Variants in P4HA1 observed in about 807,000 individuals in gnomAD.
P4HA1 encodes the protein prolyl 4-hydroxylase subunit alpha-1.
In P4HA1, 24 loss-of-function variants were observed where a neutral mutation model predicts 72.8. The ratio of observed to expected loss-of-function variants is 0.33; its 90% CI spans 0.24 to 0.46. The LOEUF (loss-of-function observed/expected upper bound fraction) is 0.46, where lower values mean the gene tolerates loss of function less well. P4HA1 is among the 20% of genes least tolerant of loss of function. P4HA1 has a pLI of 1.00. For missense variants in P4HA1, 446 were observed against 640.6 expected (o/e 0.70, Z 3.28); for synonymous variants, 201 against 218.8 (o/e 0.92, Z 0.72).
At chr10:73,093,716 G>A (rs947749833) in intron 1 of P4HA1, among the ~76,000 whole-genome samples, 10 of 149,652 alleles carry the variant, frequency 6.7e-5, no homozygotes, top group African/African-American at 2.5e-4. Flanking sequence ...GATGGTGGGC[G>A]GCTGTAGTCC....
intron 1 of P4HA1, among the ~76,000 whole-genome samples, chr10:73,084,614 C>G (rs1372623546): frequency 6.6e-6 from 1 of 151,958 alleles, no homozygotes; most frequent in Non-Finnish European, 1.5e-5. Context: ...GTGCCCAGAC[C>G]AAGATTGAAT....
intron 1 of P4HA1, among the ~76,000 whole-genome samples, chr10:73,080,869 A>C (rs939193543): frequency 2.6e-5 from 4 of 152,202 alleles, no homozygotes; most frequent in Admixed American, 1.3e-4. Flanking sequence ...TGGAGGTTGC[A>C]GTGAGCTGAG....
intron 10 of P4HA1, among the ~76,000 whole-genome samples, chr10:73,026,144 C>T (rs1840261220): frequency 6.6e-6 from 1 of 152,150 alleles, no homozygotes; most frequent in African/African-American, 2.4e-5. Context: ...GCCCACATAG[C>T]CAAGACAATC....
At chr10:73,029,822 T>C (rs374743829) in intron 10 of P4HA1, among the ~76,000 whole-genome samples, 15 of 152,092 alleles carry the variant, frequency 9.9e-5, no homozygotes, top group East Asian at 7.7e-4. Flanking sequence ...AAATGATTTA[T>C]AGACATAAAA....
chr10:73,092,409 G>C (rs1228522996), intron 1 of P4HA1, among the ~76,000 whole-genome samples: 1 of 140,986 alleles, frequency 7.1e-6, no homozygotes, highest in Non-Finnish European at 1.5e-5. Flanking sequence ...GAGTGCAATG[G>C]TGCTATCATA....
intron 5 of P4HA1, among the ~76,000 whole-genome samples, chr10:73,062,352 T>G (rs1285146426): frequency 6.6e-6 from 1 of 152,038 alleles, no homozygotes; most frequent in African/African-American, 2.4e-5. Flanking sequence ...GAAAATCACA[T>G]AGTTCCCTTT....
Position 73,090,565 on chromosome 10 carries a change from C to T in P4HA1, c.-33+6201G>A, listed in dbSNP as rs189112205. Among the ~76,000 whole-genome samples the T allele has an allele frequency of 2.6e-3, 391 of 152,204 alleles. 1 individual carries two copies. The highest frequency in any genetic ancestry group is 4.5e-3 in the Non-Finnish European group (308 of 68,016). On this transcript the variant is annotated intron_variant, in intron 1 of 14. Transcript: ENST00000394890. Reference sequence around the variant, plus strand: ...TATGCAATTTGTCCTGTCAATTTTGCTCAATAAAGTCGTTAAAATATATCA... The same window carrying T: ...TATGCAATTTGTCCTGTCAATTTTGTTCAATAAAGTCGTTAAAATATATCA...
chr10:73,046,917 T>C lies in P4HA1; in HGVS notation c.1077+8A>G. 6.3e-7 allele frequency: 1 copy of C among 1,580,222 alleles called. No individual in the cohort carries two copies. The highest frequency in any genetic ancestry group is 8.6e-7 in the Non-Finnish European group (1 of 1,156,574). ...AAATTGAGGAGAAAGAAAGAAAACA[T>C]TATTTACCCTTGGTTTTGCTAGGTC... On this transcript the variant is annotated splice_region_variant and intron_variant, in intron 8 of 14. Transcript: ENST00000394890.
At chr10:73,037,324 A>C (rs1376723373) in intron 9 of P4HA1, among the ~76,000 whole-genome samples, 2 of 150,158 alleles carry the variant, frequency 1.3e-5, no homozygotes, top group Non-Finnish European at 3.0e-5. Flanking sequence ...AAAAAAAAAA[A>C]AACTTCATGA....
At chr10:73,059,479 C>A (rs1841255170) in intron 5 of P4HA1, among the ~76,000 whole-genome samples, 1 of 133,032 alleles carries the variant, frequency 7.5e-6, no homozygotes, top group Admixed American at 7.9e-5. Flanking sequence ...CGCAGTGGCT[C>A]ACGCCTGTAA....
At chr10:73,080,350 G>A (rs972326182) in intron 1 of P4HA1, among the ~76,000 whole-genome samples, 3 of 152,178 alleles carry the variant, frequency 2.0e-5, no homozygotes, top group Admixed American at 6.5e-5. Context: ...CTGAAAAGTC[G>A]AGATAATTTG....
At chr10:73,032,468 A>G (rs1347768322) in intron 9 of P4HA1, among the ~76,000 whole-genome samples, 1 of 152,138 alleles carries the variant, frequency 6.6e-6, no homozygotes, top group East Asian at 1.9e-4. Flanking sequence ...ACTCTCTCAA[A>G]CACTCATTCT....
At chr10:73,073,094 T>C (rs1841604771) in intron 3 of P4HA1, among the ~76,000 whole-genome samples, 1 of 140,778 alleles carries the variant, frequency 7.1e-6, no homozygotes, top group African/African-American at 2.7e-5. Context: ...CACTTGAACC[T>C]GGAAGGTGGA....
At chr10:73,044,305 G>T (rs1289995063) in intron 9 of P4HA1, among the ~76,000 whole-genome samples, 2 of 151,906 alleles carry the variant, frequency 1.3e-5, no homozygotes, top group Non-Finnish European at 2.9e-5. Flanking sequence ...AAAAATAGTA[G>T]ACTCCTTAAA....
In P4HA1 at chr10:73,072,325, C is replaced by T. The variant is rs575635315; in HGVS notation, c.174-145G>A. On this transcript the variant is annotated intron_variant, in intron 3 of 14. Coordinates refer to ENST00000394890, the MANE Select transcript of P4HA1 (RefSeq NM_001017962.3). The stretch of plus-strand genomic sequence containing the variant: ...TTTTTAAAGTAAAAGTATACGGTCT[C>T]GGTCTCTTTAAAAAGCGACATCCTC... 155 of 606,934 alleles carry T rather than the reference C, an allele frequency of 2.6e-4. 3 individuals carry two copies. In the South Asian group the frequency reaches 3.4e-3, roughly 13 times the overall value. The allele number at this position is 606,934 out of a possible 1,614,324, so 37.6% of individuals were successfully genotyped here.
intron 5 of P4HA1, among the ~76,000 whole-genome samples, chr10:73,059,685 G>A (rs921369123): frequency 4.0e-5 from 6 of 151,032 alleles, no homozygotes; most frequent in South Asian, 2.1e-4. Context: ...AGAGCTTGCA[G>A]TGAGCTGAGA....
intron 1 of P4HA1, among the ~76,000 whole-genome samples, chr10:73,096,272 C>G (rs1314090165): frequency 6.6e-6 from 1 of 152,238 alleles, no homozygotes; most frequent in African/African-American, 2.4e-5. Context: ...GCAAAAATGC[C>G]TGGCGCGCTG....
At chr10:73,041,548 C>CAAAAAA (rs774231072) in intron 9 of P4HA1, among the ~76,000 whole-genome samples, 8 of 110,338 alleles carry the variant, frequency 7.3e-5, no homozygotes, top group African/African-American at 2.6e-4. Flanking sequence ...ATCCCCCCCC[C>CAAAAAA]AAAAAAAAAA....
At chr10:73,087,064 C>T (rs113884654) in intron 1 of P4HA1, among the ~76,000 whole-genome samples, 17 of 151,176 alleles carry the variant, frequency 1.1e-4, no homozygotes, top group African/African-American at 3.6e-4. Context: ...AACTGCCAAA[C>T]GTTTCTCCAA....
Sources: allele counts gnomAD v4.1 joint callset (sites outside exome capture counted in the v4.1 genomes callset), GRCh38; gene constraint gnomAD v4.1.1; transcripts MANE v1.5; gene names NCBI Gene and HGNC (gene_info 2026-07-23, HGNC 2026-07-21).